SPEF2: variants seen among roughly 807,000 people sequenced by gnomAD.
The protein encoded by SPEF2 is sperm flagella and cilia-associated protein 2.
SPEF2 carries 187 observed loss-of-function variants against 224.6 expected under a neutral mutation model. The observed-to-expected ratio is 0.83, with a 90% CI of 0.74 to 0.94. SPEF2 has a LOEUF of 0.94. Ranked by LOEUF, SPEF2 falls within the 40% of genes least tolerant of loss-of-function variation. SPEF2 has a pLI of 0.00. For missense variants in SPEF2, 2,170 were observed against 2,135.6 expected (o/e 1.02, Z -0.32); for synonymous variants, 715 against 707.3 (o/e 1.01, Z -0.17).
intron 11 of SPEF2, 85 bp downstream of exon 11, chr5:35,691,341 T>C (rs1754454744): frequency 9.3e-7 from 1 of 1,073,524 alleles, no homozygotes. Context: ...ATAAAAAACA[T>C]ACAAGAAGCA....
chr5:35,729,265 C>G (rs1402723114), intron 21 of SPEF2, among the ~76,000 whole-genome samples: 2 of 152,098 alleles, frequency 1.3e-5, no homozygotes, highest in East Asian at 1.9e-4. Flanking sequence ...CAACAAGGGA[C>G]AGCTGGGGGT....
At chr5:35,712,444 T>A (rs1481695669) in intron 19 of SPEF2, among the ~76,000 whole-genome samples, 3 of 152,228 alleles carry the variant, frequency 2.0e-5, no homozygotes, top group Admixed American at 1.3e-4. Context: ...ATAGGCACAT[T>A]CAGTTGAAAC....
intron 34 of SPEF2, among the ~76,000 whole-genome samples, chr5:35,802,071 A>T (rs1198540058): frequency 6.9e-6 from 1 of 144,956 alleles, no homozygotes; most frequent in Non-Finnish European, 1.5e-5. Flanking sequence ...ATGATGCCCC[A>T]AACAGGGGGG....
intron 30 of SPEF2, chr5:35,788,861 T>A: frequency 1.4e-6 from 1 of 702,980 alleles, no homozygotes; most frequent in Non-Finnish European, 2.6e-6. Context: ...TTATCACTTT[T>A]ATCACAATTC....
chr5:35,753,873 G>T (rs761485828), intron 24 of SPEF2, 112 bp downstream of exon 24: 5 of 1,319,560 alleles, frequency 3.8e-6, no homozygotes, highest in Non-Finnish European at 5.3e-6. Context: ...GGCTCATTTT[G>T]GTATAGCACT....
intron 21 of SPEF2, among the ~76,000 whole-genome samples, chr5:35,736,268 G>A (rs933976665): frequency 6.6e-6 from 1 of 152,102 alleles, no homozygotes; most frequent in African/African-American, 2.4e-5. Context: ...GAAAGATGGA[G>A]CCAAATCAGA....
At chr5:35,654,780 A>G (rs748663969) in intron 7 of SPEF2, 54 bp downstream of exon 7, 2 of 1,494,576 alleles carry the variant, frequency 1.3e-6, no homozygotes, top group South Asian at 1.3e-5. Flanking sequence ...TACAAAATGT[A>G]GTCTTCTATA....
intron 21 of SPEF2, 148 bp from the exon 22 acceptor site, chr5:35,739,771 G>C: frequency 1.3e-6 from 1 of 783,882 alleles, no homozygotes; most frequent in Non-Finnish European, 2.0e-6. Context: ...AGGCGTGTGA[G>C]AGAAGAGGAG....
chr5:35,704,650 A>T lies in SPEF2; in HGVS notation c.2495A>T (p.Gln832Leu). 2 of 1,601,826 alleles carry T rather than the reference A, an allele frequency of 1.2e-6. No individual in the cohort carries two copies. Among genetic ancestry groups the T allele is most frequent in the Non-Finnish European group, 1.7e-6 (2 of 1,169,496 alleles). Residue 832 changes from glutamine to leucine, a missense_variant, in exon 17 of 37, where the codon CAG (glutamine) becomes CTG (leucine). Physicochemically the swap from Gln to Leu is moderately radical, Grantham distance 113 (BLOSUM62 -2). Coordinates refer to ENST00000356031, the MANE Select transcript of SPEF2 (RefSeq NM_024867.4). Reference sequence around the variant, plus strand: ...GATGGAGACCAAAATTTAAGAGACCAGATACAACATAGGTTAGTTTTTAAC... The same window carrying T: ...GATGGAGACCAAAATTTAAGAGACCTGATACAACATAGGTTAGTTTTTAAC... ...DKDGDQNLRDQIQHRIIGFLD... is the reference protein window; with the variant it reads ...DKDGDQNLRDLIQHRIIGFLD...
chr5:35,660,013 ACT>A (rs1467288406), intron 8 of SPEF2, among the ~76,000 whole-genome samples: 1 of 152,030 alleles, frequency 6.6e-6, no homozygotes, highest in African/African-American at 2.4e-5. Context: ...GTATACAGAA[ACT>A]CACATCTGGG....
At chr5:35,786,386 G>C (rs918815047) in intron 30 of SPEF2, among the ~76,000 whole-genome samples, 2 of 152,232 alleles carry the variant, frequency 1.3e-5, no homozygotes, top group Admixed American at 6.5e-5. Context: ...GAGGCTGGGC[G>C]TGGTGGCTCA....
At chr5:35,668,507 G>T (rs1214918598) in intron 9 of SPEF2, among the ~76,000 whole-genome samples, 4 of 152,088 alleles carry the variant, frequency 2.6e-5, no homozygotes, top group Non-Finnish European at 5.9e-5. Context: ...GAATGGGATG[G>T]AGGTGAGAGG....
chr5:35,708,863 A>G, intron 18 of SPEF2, 85 bp from the exon 19 acceptor site: 4 of 1,239,338 alleles, frequency 3.2e-6, no homozygotes, highest in Non-Finnish European at 4.5e-6. Context: ...ATTGTTTTAT[A>G]TTAATTTAGA....
Position 35,670,192 on chromosome 5 carries a change from G to A in SPEF2, c.1489G>A (p.Asp497Asn), listed in dbSNP as rs1751043772. Residue 497 changes from aspartate to asparagine, a missense_variant, in exon 10 of 37, where the codon GAC becomes AAC. Transcript: ENST00000356031. ...ACAACTTACAGAACTGGAGAAAAGG[G>A]ACTTGCTAGATACCAATGATTATGA... Reference protein sequence around the residue: ...REQLTELEKRDLLDTNDYEEY... With the variant: ...REQLTELEKRNLLDTNDYEEY... 2.5e-6 allele frequency: 4 copies of A among 1,611,356 alleles called. No individual in the cohort carries two copies. Among genetic ancestry groups the A allele is most frequent in the African/African-American group, 1.3e-5 (1 of 74,790 alleles).
intron 29 of SPEF2, among the ~76,000 whole-genome samples, chr5:35,778,532 G>T (rs919281255): frequency 3.9e-5 from 6 of 152,110 alleles, no homozygotes; most frequent in Non-Finnish European, 7.3e-5. Context: ...GCTAGGAATT[G>T]TTATTCTTCA....
At chr5:35,774,172 T>C (rs1753275496) in intron 28 of SPEF2, 151 bp downstream of exon 28, 1 of 1,088,060 alleles carries the variant, frequency 9.2e-7, no homozygotes, top group South Asian at 1.7e-5. Flanking sequence ...TTGACTGTTT[T>C]CGTTTGACCA....
intron 20 of SPEF2, among the ~76,000 whole-genome samples, chr5:35,716,432 G>A (rs10043224): frequency 0.75 from 114,235 of 151,938 alleles, 43,292 homozygotes; most frequent in Middle Eastern, 0.83. Flanking sequence ...AAAAAGACAT[G>A]TATATTAGGT....
At chr5:35,736,519 C>T (rs1033769366) in intron 21 of SPEF2, among the ~76,000 whole-genome samples, 1 of 151,860 alleles carries the variant, frequency 6.6e-6, no homozygotes, top group African/African-American at 2.4e-5. Context: ...CTGTCAAACA[C>T]TTATAAAACC....
intron 26 of SPEF2, chr5:35,764,858 C>A (rs1561328553): frequency 2.6e-6 from 1 of 382,676 alleles, no homozygotes. Flanking sequence ...CTCTCACAAG[C>A]AATGATAACT....
Sources: allele counts gnomAD v4.1 joint callset (sites outside exome capture counted in the v4.1 genomes callset), GRCh38; gene constraint gnomAD v4.1.1; transcripts MANE v1.5; gene names NCBI Gene and HGNC (gene_info 2026-07-23, HGNC 2026-07-21).